The following SGCD variants were observed in gnomAD, a reference collection of about 807,000 sequenced individuals.
SGCD encodes sarcoglycan delta, also known as delta-sarcoglycan.
A neutral mutation model predicts 36.6 loss-of-function variants in SGCD; 18 were observed. The ratio of observed to expected loss-of-function variants is 0.49; its 90% CI spans 0.34 to 0.73. The LOEUF is 0.73. Among genes scored for constraint, SGCD ranks in the 30% least tolerant of loss-of-function variants. The pLI is 0.01. For missense variants in SGCD, 387 were observed against 346.7 expected (o/e 1.12, Z -0.92); for synonymous variants, 133 against 130.6 (o/e 1.02, Z -0.12).
chr5:156,007,836 G>T (rs1415905725), intron 1 of SGCD, among the ~76,000 whole-genome samples: 2 of 152,214 alleles, frequency 1.3e-5, no homozygotes, highest in Admixed American at 6.5e-5. Context: ...CTGGAAGAGG[G>T]AGAGAATACA....
intron 3 of SGCD, among the ~76,000 whole-genome samples, chr5:156,376,890 C>G (rs886151599): frequency 2.6e-5 from 4 of 151,860 alleles, no homozygotes; most frequent in African/African-American, 7.3e-5. Flanking sequence ...GTGGTGAAAA[C>G]AGGAAGTTTG....
At chr5:155,829,535 G>A in the SGCD span, among the ~76,000 whole-genome samples, 1,386 of 152,292 alleles carry the variant, frequency 9.1e-3, 11 homozygotes, top group Admixed American at 0.014. Flanking sequence ...TATTTCCAGG[G>A]AAGAATAAAT....
rs537252723 is a variant in SGCD, at chr5:156,414,671, C to T, written c.192+69994C>T. Among the ~76,000 whole-genome samples, 5 of 152,190 alleles carry T rather than the reference C, an allele frequency of 3.3e-5. No homozygotes were observed. In the South Asian group the frequency reaches 8.3e-4, roughly 25 times the overall value. On this transcript the variant is annotated intron_variant, in intron 3 of 8. Transcript: ENST00000337851. ...TTTCACAGGCTTTTACAAAAACAGG[C>T]GGTGGGCTCACAGGCTGTACTTTGC...
chr5:156,297,364 A>T (rs1480775847), intron 3 of SGCD, among the ~76,000 whole-genome samples: 1 of 152,026 alleles, frequency 6.6e-6, no homozygotes, highest in African/African-American at 2.4e-5. Flanking sequence ...CATTATTCAC[A>T]ATAGCAAAGA....
intron 1 of SGCD, among the ~76,000 whole-genome samples, chr5:156,072,031 C>T (rs1411467094): frequency 2.6e-5 from 4 of 152,128 alleles, no homozygotes; most frequent in East Asian, 1.9e-4. Flanking sequence ...CGTCTCTGCA[C>T]GTGAGATGGG....
chr5:155,836,474 C>CA, the SGCD span, among the ~76,000 whole-genome samples: 1 of 116,380 alleles, frequency 8.6e-6, no homozygotes, highest in African/African-American at 3.6e-5. Flanking sequence ...ATACCCACCC[C>CA]CGCCCCGCAC....
intron 7 of SGCD, among the ~76,000 whole-genome samples, chr5:156,716,992 T>C (rs1454904353): frequency 2.6e-5 from 4 of 152,218 alleles, no homozygotes; most frequent in Non-Finnish European, 5.9e-5. Flanking sequence ...TCTGAAAATG[T>C]ATTTGTGGTT....
intron 1 of SGCD, among the ~76,000 whole-genome samples, chr5:156,008,084 G>A (rs1263090784): frequency 2.0e-5 from 3 of 152,008 alleles, no homozygotes; most frequent in Non-Finnish European, 4.4e-5. Flanking sequence ...AACTTTACCC[G>A]TTGTGCTAGT....
At chr5:155,998,626 A>C (rs1758602803) in intron 1 of SGCD, among the ~76,000 whole-genome samples, 1 of 152,142 alleles carries the variant, frequency 6.6e-6, no homozygotes, top group Non-Finnish European at 1.5e-5. Context: ...GTCAACCTTA[A>C]ATTGTAGGGC....
At chr5:156,311,998 T>C (rs1767402159) in intron 3 of SGCD, among the ~76,000 whole-genome samples, 1 of 152,210 alleles carries the variant, frequency 6.6e-6, no homozygotes, top group Admixed American at 6.5e-5. Flanking sequence ...TTCCATGCCA[T>C]AGCTAGCTAA....
At chr5:156,014,406 C>T (rs1320198418) in intron 1 of SGCD, among the ~76,000 whole-genome samples, 2 of 151,942 alleles carry the variant, frequency 1.3e-5, no homozygotes, top group South Asian at 2.1e-4. Context: ...TAAACATTTG[C>T]CATATTTGCT....
intron 3 of SGCD, among the ~76,000 whole-genome samples, chr5:156,222,836 C>T (rs1764750849): frequency 6.6e-6 from 1 of 152,092 alleles, no homozygotes; most frequent in Non-Finnish European, 1.5e-5. Flanking sequence ...GGCCTGTCTA[C>T]TTGCTTAAAA....
At chr5:156,487,813 A>AAAAAAAAAAAAAAAAAAAAGAAAG (rs1554107842) in intron 3 of SGCD, among the ~76,000 whole-genome samples, 3 of 77,792 alleles carry the variant, frequency 3.9e-5, no homozygotes, top group Non-Finnish European at 5.0e-5. Context: ...AAAAAAAAAA[A>AAAAAAAAAAAAAAAAAAAAGAAAG]AAAGAAAGAA....
At chr5:156,297,971 C>T (rs1561606763) in intron 3 of SGCD, among the ~76,000 whole-genome samples, 2 of 148,746 alleles carry the variant, frequency 1.3e-5, no homozygotes, top group Non-Finnish European at 1.5e-5. Context: ...CGTCCTTCTA[C>T]TCTGTCTCTA....
At chr5:156,654,796 A>C (rs933391948) in intron 7 of SGCD, among the ~76,000 whole-genome samples, 1 of 152,206 alleles carries the variant, frequency 6.6e-6, no homozygotes, top group African/African-American at 2.4e-5. Flanking sequence ...AAATTTATAC[A>C]GATAATTCTC....
chr5:156,002,309 C>T (rs1581036478), intron 1 of SGCD, among the ~76,000 whole-genome samples: 1 of 152,170 alleles, frequency 6.6e-6, no homozygotes, highest in South Asian at 2.1e-4. Context: ...AGGAGAGAGA[C>T]CTCCAGAGAA....
chr5:155,970,215 C>T (rs1757982032), intron 1 of SGCD, among the ~76,000 whole-genome samples: 1 of 152,084 alleles, frequency 6.6e-6, no homozygotes, highest in Non-Finnish European at 1.5e-5. Flanking sequence ...CAGCCCCCAT[C>T]CCATTTCACC....
chr5:156,263,465 G>A (rs188387455), intron 3 of SGCD, among the ~76,000 whole-genome samples: 10 of 151,802 alleles, frequency 6.6e-5, no homozygotes, highest in African/African-American at 2.4e-4. Context: ...TTGCTAATTT[G>A]TTTGAGTTCC....
At chr5:155,944,652 G>A (rs531121973) in intron 1 of SGCD, among the ~76,000 whole-genome samples, 132 of 152,202 alleles carry the variant, frequency 8.7e-4, no homozygotes, top group African/African-American at 3.0e-3. Context: ...TGTGTTAAGT[G>A]CTGCGATAAG....
Sources: allele counts gnomAD v4.1 joint callset (sites outside exome capture counted in the v4.1 genomes callset), GRCh38; gene constraint gnomAD v4.1.1; transcripts MANE v1.5; gene names NCBI Gene and HGNC (gene_info 2026-07-23, HGNC 2026-07-21).